The following RPRD1B variants were observed in gnomAD, a reference collection of about 807,000 sequenced individuals.
RPRD1B encodes regulation of nuclear pre-mRNA domain-containing protein 1B.
Under a neutral mutation model 41.5 loss-of-function variants are expected in RPRD1B, and 11 were observed. The ratio of observed to expected loss-of-function variants is 0.27; its 90% CI spans 0.17 to 0.44. RPRD1B has a LOEUF of 0.44. RPRD1B is among the 20% of genes least tolerant of loss of function. RPRD1B has a pLI of 1.00. For missense variants in RPRD1B, 248 were observed against 389.9 expected (o/e 0.64, Z 3.06); for synonymous variants, 158 against 155.6 (o/e 1.02, Z -0.12).
chr20:38,063,476 G>T (rs1207253373), intron 5 of RPRD1B, among the ~76,000 whole-genome samples: 1 of 152,206 alleles, frequency 6.6e-6, no homozygotes, highest in Non-Finnish European at 1.5e-5. Context: ...GCAGAGGATT[G>T]GTGGGCATAA....
chr20:38,078,951 C>CTTG (rs1289943782), intron 6 of RPRD1B, among the ~76,000 whole-genome samples: 2 of 152,166 alleles, frequency 1.3e-5, no homozygotes. Flanking sequence ...GAGAAAGGAT[C>CTTG]TTGTATCCCA....
intron 3 of RPRD1B, among the ~76,000 whole-genome samples, chr20:38,054,259 TG>T (rs1257670968): frequency 6.6e-6 from 1 of 152,106 alleles, no homozygotes; most frequent in Non-Finnish European, 1.5e-5. Context: ...AGGAGCCCTG[TG>T]GGGGAAATGA....
At chr20:38,053,757 T>A (rs1415415574) in intron 3 of RPRD1B, among the ~76,000 whole-genome samples, 1 of 152,230 alleles carries the variant, frequency 6.6e-6, no homozygotes, top group Non-Finnish European at 1.5e-5. Flanking sequence ...ACATATTGAA[T>A]ATATTTTGGG....
chr20:38,086,696 G>T lies in RPRD1B; in HGVS notation c.832-3030G>T, dbSNP rs573440085. On this transcript the variant is annotated intron_variant, in intron 6 of 6. Transcript: ENST00000373433. The stretch of plus-strand genomic sequence containing the variant: ...CTCACTCTCCCTCTTTCTTTCTCTA[G>T]TGATTCCTTCCTCTGACGCCTGCTC... Among the ~76,000 whole-genome samples, 10 of 152,258 alleles carry T rather than the reference G, an allele frequency of 6.6e-5. No individual in the cohort carries two copies. The South Asian group carries it at 2.1e-3, about 32-fold the overall frequency.
intron 6 of RPRD1B, among the ~76,000 whole-genome samples, chr20:38,074,691 T>C (rs763376818): frequency 2.0e-5 from 3 of 152,240 alleles, no homozygotes; most frequent in Non-Finnish European, 4.4e-5. Flanking sequence ...CCTGGGCCTC[T>C]TATTACTCCT....
intron 6 of RPRD1B, among the ~76,000 whole-genome samples, chr20:38,075,234 G>C (rs1174856207): frequency 6.6e-6 from 1 of 152,188 alleles, no homozygotes; most frequent in Non-Finnish European, 1.5e-5. Context: ...AGGAGTTCTT[G>C]TCTTTTCCAA....
At chr20:38,058,358 G>A (rs1402798254) in intron 4 of RPRD1B, among the ~76,000 whole-genome samples, 1 of 152,006 alleles carries the variant, frequency 6.6e-6, no homozygotes, top group Non-Finnish European at 1.5e-5. Flanking sequence ...GTTATGTTAC[G>A]GTGTTGAGTT....
In RPRD1B at chr20:38,059,438, A is replaced by G; in HGVS notation, c.573A>G (p.Ala191=). 1 of 1,613,942 alleles carries G rather than the reference A, an allele frequency of 6.2e-7. No homozygotes were observed. The highest frequency in any genetic ancestry group is 2.2e-5 in the East Asian group (1 of 44,882). The part of the protein sequence containing the change: ...IKALQDLENA[A]SGDATVRQKI... ...CTTTGCAGGATCTGGAAAATGCCGCATCAGGGGATGCTACTGTCCGACAGA... is the reference window on the plus strand; with the variant it reads ...CTTTGCAGGATCTGGAAAATGCCGCGTCAGGGGATGCTACTGTCCGACAGA... The change falls in exon 5 of 7, where the codon GCA becomes GCG. Residue 191 remains alanine, a synonymous_variant. Transcript: ENST00000373433.
chr20:38,033,864 G>C lies in RPRD1B; in HGVS notation c.-84G>C. 1 of 1,379,230 alleles carries C rather than the reference G, an allele frequency of 7.3e-7. No homozygotes were observed. The highest frequency in any genetic ancestry group is 9.8e-7 in the Non-Finnish European group (1 of 1,022,690). The allele number at this position is 1,379,230 out of a possible 1,614,324, so 85.4% of individuals were successfully genotyped here. A position where few individuals can be genotyped will look rare whatever the true frequency, so the allele number is the denominator to read the frequency against. On this transcript the variant is annotated 5_prime_UTR_variant, in exon 1 of 7. Transcript: ENST00000373433. ...GGTAAAAAGTCCCGCAGCCTGTCAG[G>C]TGAGGCCCCGGCCTCGTGCCGTCGC...
chr20:38,089,720 C>G lies in RPRD1B; in HGVS notation c.832-6C>G, dbSNP rs1600450038. The G allele has an allele frequency of 6.2e-7, 1 of 1,611,670 alleles. No homozygotes were observed. ...TAACGGTATTGTCTTCTCTTTATCT[C>G]CTTAGGAATACAAACAGAAGCTTGC... On this transcript the variant is annotated splice_polypyrimidine_tract_variant and splice_region_variant and intron_variant, in intron 6 of 6. Coordinates refer to ENST00000373433, the MANE Select transcript of RPRD1B (RefSeq NM_021215.4).
chr20:38,082,260 G>T (rs1346823195), intron 6 of RPRD1B, among the ~76,000 whole-genome samples: 2 of 152,072 alleles, frequency 1.3e-5, no homozygotes, highest in Admixed American at 6.5e-5. Context: ...TCTGTCCAGG[G>T]TTTCAATTCC....
intron 6 of RPRD1B, among the ~76,000 whole-genome samples, chr20:38,080,867 G>T (rs1480793062): frequency 2.0e-5 from 3 of 152,100 alleles, no homozygotes; most frequent in Non-Finnish European, 2.9e-5. Context: ...TGTTCCATTG[G>T]TCTTTGTATC....
At chr20:38,084,171 G>A (rs1184812082) in intron 6 of RPRD1B, among the ~76,000 whole-genome samples, 1 of 152,100 alleles carries the variant, frequency 6.6e-6, no homozygotes, top group Non-Finnish European at 1.5e-5. Flanking sequence ...TGGGGTGTGG[G>A]TCAGCTTCCC....
Position 38,092,078 on chromosome 20 carries a change from A to G in RPRD1B, c.*2203A>G. The stretch of plus-strand genomic sequence containing the variant: ...TAAATGAACTTTCCTCCTTGTATGT[A>G]TGAGGTGACTTGGTGGGTGGGGTGG... On this transcript the variant is annotated 3_prime_UTR_variant, in exon 7 of 7. Transcript: ENST00000373433. 1 of 985,728 alleles carries G rather than the reference A, an allele frequency of 1.0e-6. No individual in the cohort carries two copies. The highest frequency in any genetic ancestry group is 1.2e-6 in the Non-Finnish European group (1 of 829,932). The allele number at this position is 985,728 out of a possible 1,614,324, so 61.1% of individuals were successfully genotyped here.
intron 6 of RPRD1B, among the ~76,000 whole-genome samples, chr20:38,081,410 C>T (rs2074511436): frequency 6.6e-6 from 1 of 152,092 alleles, no homozygotes; most frequent in Non-Finnish European, 1.5e-5. Context: ...GATTTTGTGT[C>T]CTGAAGCTTT....
intron 5 of RPRD1B, among the ~76,000 whole-genome samples, chr20:38,060,292 T>G (rs1171145601): frequency 6.6e-6 from 1 of 152,208 alleles, no homozygotes; most frequent in East Asian, 1.9e-4. Context: ...CTCAGACCTT[T>G]CATTCCATTG....
intron 5 of RPRD1B, among the ~76,000 whole-genome samples, chr20:38,061,000 T>G (rs1231967527): frequency 6.6e-6 from 1 of 152,234 alleles, no homozygotes; most frequent in Non-Finnish European, 1.5e-5. Flanking sequence ...GTCAAAATCA[T>G]AATCTGCAAA....
chr20:38,067,441 G>C (rs2074368587), intron 6 of RPRD1B, among the ~76,000 whole-genome samples: 1 of 152,226 alleles, frequency 6.6e-6, no homozygotes, highest in Admixed American at 6.5e-5. Context: ...GACAGGGAGA[G>C]CCATGTCACC....
chr20:38,049,713 G>C, intron 3 of RPRD1B: 1 of 471,010 alleles, frequency 2.1e-6, no homozygotes, highest in Non-Finnish European at 4.4e-6. Flanking sequence ...TTAGTTACTT[G>C]GCTTCTGGTT....
Sources: allele counts gnomAD v4.1 joint callset (sites outside exome capture counted in the v4.1 genomes callset), GRCh38; gene constraint gnomAD v4.1.1; transcripts MANE v1.5; gene names NCBI Gene and HGNC (gene_info 2026-07-23, HGNC 2026-07-21).